Variants in ZNF445 observed in about 807,000 individuals in gnomAD.
ZNF445 encodes zinc finger protein 168.
ZNF445 carries 19 observed loss-of-function variants against 93.9 expected under a neutral mutation model. That is an observed-to-expected ratio of 0.20 (90% CI 0.14 to 0.30). The LOEUF is 0.30. Ranked by LOEUF, ZNF445 falls within the 10% of genes least tolerant of loss-of-function variation. ZNF445 has a pLI of 1.00. For synonymous variants in ZNF445, 449 were observed against 446.3 expected (o/e 1.01, Z -0.08); for missense variants, 1,058 against 1,259.4 (o/e 0.84, Z 2.42).
In ZNF445 at chr3:44,436,042, C is replaced by G. The variant is rs1164448344; in HGVS notation, c.*10533G>C. 1 of 152,164 alleles carries G rather than the reference C, an allele frequency of 6.6e-6. No homozygotes were observed. Among genetic ancestry groups the G allele is most frequent in the Non-Finnish European group, 1.5e-5 (1 of 68,026 alleles). The allele number at this position is 152,164 out of a possible 1,614,324, so 9.4% of individuals were successfully genotyped here. On this transcript the variant is annotated 3_prime_UTR_variant, in exon 8 of 8. Coordinates refer to ENST00000396077, the MANE Select transcript of ZNF445 (RefSeq NM_181489.6). The stretch of plus-strand genomic sequence containing the variant: ...TAAATTATTGTCAGTGCAGCAGGGT[C>G]CTACTTCAAAGGGACCTGGCCTATC...
In ZNF445 at chr3:44,436,043, C is replaced by G. The variant is rs1697673951; in HGVS notation, c.*10532G>C. 1 of 152,192 alleles carries G rather than the reference C, an allele frequency of 6.6e-6. No individual in the cohort carries two copies. The highest frequency in any genetic ancestry group is 2.4e-5 in the African/African-American group (1 of 41,442). 9.4% of individuals were successfully genotyped at this position (152,192 alleles called of 1,614,324 possible). On this transcript the variant is annotated 3_prime_UTR_variant, in exon 8 of 8. Transcript: ENST00000396077. ...AAATTATTGTCAGTGCAGCAGGGTC[C>G]TACTTCAAAGGGACCTGGCCTATCC...
chr3:44,437,242 T>C lies in ZNF445; in HGVS notation c.*9333A>G, dbSNP rs1055795606. On this transcript the variant is annotated 3_prime_UTR_variant, in exon 8 of 8. Coordinates refer to ENST00000396077, the MANE Select transcript of ZNF445 (RefSeq NM_181489.6). Reference sequence around the variant, plus strand: ...ACCAGAGGTCATTCTCATCACCGTCTTGGTTTTGGTGGGTTTTAGCTGGCT... The same window carrying C: ...ACCAGAGGTCATTCTCATCACCGTCCTGGTTTTGGTGGGTTTTAGCTGGCT... 2.6e-5 allele frequency: 4 copies of C among 152,154 alleles called. No homozygotes were observed. Among genetic ancestry groups the C allele is most frequent in the Non-Finnish European group, 5.9e-5 (4 of 68,022 alleles). 9.4% of individuals were successfully genotyped at this position (152,154 alleles called of 1,614,324 possible). A position where few individuals can be genotyped will look rare whatever the true frequency, so the allele number is the denominator to read the frequency against.
rs1484967298 is a variant in ZNF445, at chr3:44,445,813, G to C, written c.*762C>G. 6.6e-6 allele frequency: 1 copy of C among 152,408 alleles called. No homozygotes were observed. The highest frequency in any genetic ancestry group is 1.5e-5 in the Non-Finnish European group (1 of 68,198). 9.4% of individuals were successfully genotyped at this position (152,408 alleles called of 1,614,324 possible). On this transcript the variant is annotated 3_prime_UTR_variant, in exon 8 of 8. Coordinates refer to ENST00000396077, the MANE Select transcript of ZNF445 (RefSeq NM_181489.6). ...TTGTTTGTCATCTGTAAAGATCCAA[G>C]ATGGCAGGATTTTCATCTGTTCTGG...
At chr3:44,454,903 C>T in intron 3 of ZNF445, 1 of 596,014 alleles carries the variant, frequency 1.7e-6, no homozygotes. Context: ...CTGACCCTAT[C>T]TGGAGCTGAT....
At position 44,435,512 on chromosome 3, in the gene ZNF445, C is replaced by T. The variant is rs1044120082; in HGVS notation, c.*11063G>A. 7 of 152,226 alleles carry T rather than the reference C, an allele frequency of 4.6e-5. No individual in the cohort carries two copies. The highest frequency in any genetic ancestry group is 1.7e-4 in the African/African-American group (7 of 41,452). The allele number at this position is 152,226 out of a possible 1,614,324, so 9.4% of individuals were successfully genotyped here. On this transcript the variant is annotated 3_prime_UTR_variant, in exon 8 of 8. Transcript: ENST00000396077. The stretch of plus-strand genomic sequence containing the variant: ...CTCCAAGATCCATCTGTCTTCTGCA[C>T]AGGCTGAGTAGGTGAGCTAAGTGGA...
At chr3:44,452,321 A>G (rs1416262309) in intron 3 of ZNF445, among the ~76,000 whole-genome samples, 1 of 151,842 alleles carries the variant, frequency 6.6e-6, no homozygotes, top group Admixed American at 6.6e-5. Context: ...ACAATAATTT[A>G]TCTCCCGTTT....
chr3:44,455,224 C>T lies in ZNF445; in HGVS notation c.326G>A (p.Gly109Glu). The change falls in exon 3 of 8, where the codon GGG (glycine) becomes GAG (glutamate). Residue 109 changes from glycine to glutamate, a missense_variant. Around this residue, in one of 3 missense-constraint regions of ZNF445, gnomAD observed 657 missense variants for 746.4 expected, o/e 0.88. Transcript: ENST00000396077. ...VLEQFLSILP[G>E]ELRVWVQLHN... ...AAGCTGCACCCAAACCCGGAGCTCC[C>T]CAGGCAGGATGCTCAGGAACTGTTC... The T allele has an allele frequency of 6.2e-7, 1 of 1,614,192 alleles. No individual in the cohort carries two copies. Among genetic ancestry groups the T allele is most frequent in the Non-Finnish European group, 8.5e-7 (1 of 1,180,024 alleles).
chr3:44,434,801 C>T lies in ZNF445; in HGVS notation c.*11774G>A, dbSNP rs1697642569. On this transcript the variant is annotated 3_prime_UTR_variant, in exon 8 of 8. Transcript: ENST00000396077. ...ATCGGATCGGGTGTGCCACACTTCG[C>T]CTGCCCCGCTTGCTTTTGGTTGCTT... 6.6e-6 allele frequency: 1 copy of T among 152,218 alleles called. No individual in the cohort carries two copies. Among genetic ancestry groups the T allele is most frequent in the South Asian group, 2.1e-4 (1 of 4,832 alleles). 9.4% of individuals were successfully genotyped at this position (152,218 alleles called of 1,614,324 possible). A position where few individuals can be genotyped will look rare whatever the true frequency, so the allele number is the denominator to read the frequency against.
Position 44,447,239 on chromosome 3 carries a change from A to G in ZNF445, c.2432T>C (p.Ile811Thr), listed in dbSNP as rs763129792. 6.2e-7 allele frequency: 1 copy of G among 1,614,132 alleles called. No homozygotes were observed. Among genetic ancestry groups the G allele is most frequent in the Non-Finnish European group, 8.5e-7 (1 of 1,180,016 alleles). ...ATCATACTGTTTTTGAAGAGAGTGA[A>G]TCCTCTGATGTCGGTAGAGATTGGA... ...WSSNLYRHQR[I>T]HSLQKQYDCH... The change falls in exon 8 of 8, where the codon ATT becomes ACT. Residue 811 changes from isoleucine to threonine, a missense_variant. Physicochemically the swap from Ile to Thr is moderately conservative, Grantham distance 89. Coordinates refer to ENST00000396077, the MANE Select transcript of ZNF445 (RefSeq NM_181489.6). The surrounding 1 kb of genome is among the most constrained non-coding windows in gnomAD (Gnocchi z 4.7).
At position 44,443,494 on chromosome 3, in the gene ZNF445, G is replaced by A. The variant is rs1363172840; in HGVS notation, c.*3081C>T. The A allele has an allele frequency of 6.6e-6, 1 of 152,118 alleles. No homozygotes were observed. Among genetic ancestry groups the A allele is most frequent in the Non-Finnish European group, 1.5e-5 (1 of 68,056 alleles). 9.4% of individuals were successfully genotyped at this position (152,118 alleles called of 1,614,324 possible). On this transcript the variant is annotated 3_prime_UTR_variant, in exon 8 of 8. Coordinates refer to ENST00000396077, the MANE Select transcript of ZNF445 (RefSeq NM_181489.6). ...CCAGCATTTTGGGAGGCCGAGGCGG[G>A]TGGATCACGACGTCAGGAGATCGAG... is the stretch of plus-strand genomic sequence containing the variant.
chr3:44,471,872 G>T (rs1698274064), intron 1 of ZNF445, among the ~76,000 whole-genome samples: 1 of 151,924 alleles, frequency 6.6e-6, no homozygotes, highest in Admixed American at 6.6e-5. Flanking sequence ...AAAAAAAAAG[G>T]GAAAATGAAA....
chr3:44,448,802 C>T lies in ZNF445; in HGVS notation c.932-63G>A, dbSNP rs1006800147. Reference sequence around the variant, plus strand: ...CCCATACTTGGAACTGCAGAAAGCACCAAAGGGCAATAAAATGTCTGGGTG... The same window carrying T: ...CCCATACTTGGAACTGCAGAAAGCATCAAAGGGCAATAAAATGTCTGGGTG... On this transcript the variant is annotated intron_variant, in intron 7 of 7. Transcript: ENST00000396077. 5.2e-6 allele frequency: 8 copies of T among 1,526,388 alleles called. No homozygotes were observed. The African/African-American group carries it at 9.8e-5, about 19-fold the overall frequency. The allele number at this position is 1,526,388 out of a possible 1,614,324, so 94.6% of individuals were successfully genotyped here.
Position 44,455,222 on chromosome 3 carries a change from C to T in ZNF445, c.328G>A (p.Glu110Lys). 6.2e-7 allele frequency: 1 copy of T among 1,614,168 alleles called. No individual in the cohort carries two copies. The highest frequency in any genetic ancestry group is 8.5e-7 in the Non-Finnish European group (1 of 1,180,026). ...LEQFLSILPGELRVWVQLHNP... is the reference protein window; with the variant it reads ...LEQFLSILPGKLRVWVQLHNP... ...TGAAGCTGCACCCAAACCCGGAGCTCCCCAGGCAGGATGCTCAGGAACTGT... is the reference window on the plus strand; with the variant it reads ...TGAAGCTGCACCCAAACCCGGAGCTTCCCAGGCAGGATGCTCAGGAACTGT... Residue 110 changes from glutamate to lysine, a missense_variant, in exon 3 of 8, where the codon GAG becomes AAG. Coordinates refer to ENST00000396077, the MANE Select transcript of ZNF445 (RefSeq NM_181489.6).
intron 1 of ZNF445, among the ~76,000 whole-genome samples, chr3:44,465,535 T>C (rs1179766809): frequency 6.6e-6 from 1 of 152,164 alleles, no homozygotes; most frequent in African/African-American, 2.4e-5. Flanking sequence ...TGATGGAAAA[T>C]TGTAAAGGGG....
chr3:44,470,898 A>G (rs948683359), intron 1 of ZNF445, among the ~76,000 whole-genome samples: 1 of 152,202 alleles, frequency 6.6e-6, no homozygotes, highest in Non-Finnish European at 1.5e-5. Context: ...CAACTACAAA[A>G]GGATGTTCTC....
intron 1 of ZNF445, among the ~76,000 whole-genome samples, chr3:44,470,633 T>G (rs1240501661): frequency 6.6e-6 from 1 of 152,252 alleles, no homozygotes; most frequent in Non-Finnish European, 1.5e-5. Context: ...TAAAAGCTCC[T>G]AAGCCTCACT....
intron 1 of ZNF445, among the ~76,000 whole-genome samples, chr3:44,468,929 C>G (rs1231462682): frequency 6.6e-6 from 1 of 151,730 alleles, no homozygotes; most frequent in Non-Finnish European, 1.5e-5. Flanking sequence ...TCTGTCTAGG[C>G]AGCAGGCAAG....
At chr3:44,464,117 C>G (rs1485949953) in intron 1 of ZNF445, among the ~76,000 whole-genome samples, 4 of 151,890 alleles carry the variant, frequency 2.6e-5, no homozygotes, top group Non-Finnish European at 4.4e-5. Flanking sequence ...CGCAGTGAGA[C>G]TCCATCTCAA....
Position 44,452,022 on chromosome 3 carries a change from T to C in ZNF445, c.430-540A>G, listed in dbSNP as rs564044969. Among the ~76,000 whole-genome samples, 51 of 152,170 alleles carry C rather than the reference T, an allele frequency of 3.4e-4. 1 individual carries two copies. Among genetic ancestry groups the C allele is most frequent in the Non-Finnish European group, 6.2e-4 (42 of 68,028 alleles). On this transcript the variant is annotated intron_variant, in intron 3 of 7. Transcript: ENST00000396077. ...AATAACACTGATAGAGAGGCAATGC[T>C]AATCATGAGAGTCAGCCATGGAACC...
Sources: gnomAD v4.1 joint callset for allele counts (sites outside exome capture counted in the v4.1 genomes callset) on GRCh38, gnomAD v4.1.1 for gene constraint, gnomAD v4.1.1 regional missense constraint, Gnocchi (gnomAD v3.1) non-coding constraint, MANE v1.5 for transcripts, NCBI Gene and HGNC (gene_info 2026-07-23, HGNC 2026-07-21) for gene names.